UGT1A9: variants seen among roughly 807,000 people sequenced by gnomAD.
UGT1A9 encodes UDP-glucuronosyltransferase 1A9.
In UGT1A9, 35 loss-of-function variants were observed where a neutral mutation model predicts 45.0. The observed-to-expected ratio is 0.78, with a 90% CI of 0.59 to 1.03. The LOEUF is 1.03. Ranked by LOEUF, UGT1A9 falls within the 50% of genes least tolerant of loss-of-function variation. The pLI is 0.00. For synonymous variants in UGT1A9, 278 were observed against 250.6 expected (o/e 1.11, Z -1.03); for missense variants, 687 against 666.6 (o/e 1.03, Z -0.34).
chr2:233,704,256 C>T (rs1366792862), intron 1 of UGT1A9, among the ~76,000 whole-genome samples: 14 of 123,650 alleles, frequency 1.1e-4, no homozygotes, highest in South Asian at 2.6e-4. Context: ...GCCTTTATTG[C>T]TTTTTTTTTT....
In UGT1A9 at chr2:233,721,831, C is replaced by T. The variant is rs75130623; in HGVS notation, c.856-45203C>T. ...AAATCCAGCACCCTATTTGGGCCACCGACCTTGTGTCCAGCCCCACTGCTC... is the reference window on the plus strand; with the variant it reads ...AAATCCAGCACCCTATTTGGGCCACTGACCTTGTGTCCAGCCCCACTGCTC... On this transcript the variant is annotated intron_variant, in intron 1 of 4. Transcript: ENST00000354728. 6.7e-3 allele frequency: 3,461 copies of T among 513,060 alleles called. 26 individuals carry two copies. Among genetic ancestry groups the T allele is most frequent in the Non-Finnish European group, 0.011 (2,698 of 255,510 alleles). 31.8% of individuals were successfully genotyped at this position (513,060 alleles called of 1,614,324 possible).
At chr2:233,771,766 C>A (rs1025155606) in intron 4 of UGT1A9, among the ~76,000 whole-genome samples, 2 of 151,968 alleles carry the variant, frequency 1.3e-5, no homozygotes, top group Admixed American at 6.6e-5. Context: ...CTTCCTCCGT[C>A]CCTCTCTCCT....
intron 1 of UGT1A9, among the ~76,000 whole-genome samples, chr2:233,720,689 A>G (rs964540844): frequency 1.3e-5 from 2 of 151,520 alleles, no homozygotes; most frequent in Non-Finnish European, 2.9e-5. Flanking sequence ...TTCTAAATCC[A>G]TTAAGGGAGC....
Position 233,725,255 on chromosome 2 carries a change from A to AGAGGCAGAG in UGT1A9, c.856-41768_856-41760dup, listed in dbSNP as rs1488139555. 3.1e-5 allele frequency among the ~76,000 whole-genome samples: 2 copies of AGAGGCAGAG among 63,970 alleles called. 1 individual carries two copies. The highest frequency in any genetic ancestry group is 5.4e-5 in the Non-Finnish European group (2 of 36,928). The allele number at this position is 63,970 out of a possible 152,430, so 42.0% of individuals were successfully genotyped here. A position where few individuals can be genotyped will look rare whatever the true frequency, so the allele number is the denominator to read the frequency against. ...CAGAGGAGGCAGAGGCAGAGGAGGC[A>AGAGGCAGAG]GAGGCAGAGGAGGCAGAGGCAGAGG... is the stretch of plus-strand genomic sequence containing the variant. On this transcript the variant is annotated intron_variant, in intron 1 of 4. Coordinates refer to ENST00000354728, the MANE Select transcript of UGT1A9 (RefSeq NM_021027.3).
At chr2:233,749,891 C>G (rs769638729) in intron 1 of UGT1A9, among the ~76,000 whole-genome samples, 2 of 151,948 alleles carry the variant, frequency 1.3e-5, no homozygotes, top group African/African-American at 4.9e-5. Context: ...CTGAGGCTCC[C>G]CCCTCCAGCC....
chr2:233,729,260 G>T (rs774974731), intron 1 of UGT1A9: 2 of 1,614,092 alleles, frequency 1.2e-6, no homozygotes, highest in East Asian at 2.2e-5. Flanking sequence ...CTCAGCATGC[G>T]GGAGGTCTTG....
At chr2:233,746,507 C>T (rs1477077635) in intron 1 of UGT1A9, among the ~76,000 whole-genome samples, 1 of 151,718 alleles carries the variant, frequency 6.6e-6, no homozygotes, top group Non-Finnish European at 1.5e-5. Context: ...TTAGTAGCCC[C>T]CAAAGCAAGA....
chr2:233,718,848 C>A, intron 1 of UGT1A9: 1 of 1,613,708 alleles, frequency 6.2e-7, no homozygotes, highest in Non-Finnish European at 8.5e-7. Flanking sequence ...GGTTCCCCTG[C>A]CGCGGCTGGC....
chr2:233,683,153 T>C (rs955404472), intron 1 of UGT1A9, among the ~76,000 whole-genome samples: 2 of 152,170 alleles, frequency 1.3e-5, no homozygotes, highest in Non-Finnish European at 2.9e-5. Flanking sequence ...TTGTTTTCAA[T>C]TTTTTTGAAA....
At chr2:233,757,561 T>TATATATATATATATATATATATATAC (rs71058576) in intron 1 of UGT1A9, among the ~76,000 whole-genome samples, 1 of 121,178 alleles carries the variant, frequency 8.3e-6, no homozygotes, top group Non-Finnish European at 1.7e-5. Context: ...TATATATATA[T>TATATATATATATATATATATATATAC]GTATATATGA....
chr2:233,718,955 G>C (rs1197227644), intron 1 of UGT1A9: 1 of 1,614,222 alleles, frequency 6.2e-7, no homozygotes, highest in Admixed American at 1.7e-5. Flanking sequence ...TCAGCATGCG[G>C]GAGGCCTTGC....
intron 1 of UGT1A9, among the ~76,000 whole-genome samples, chr2:233,701,695 C>A (rs560963987): frequency 6.6e-6 from 1 of 152,306 alleles, no homozygotes; most frequent in East Asian, 1.9e-4. Flanking sequence ...GAAAATCACT[C>A]AAAACCGCTC....
intron 1 of UGT1A9, chr2:233,690,853 CT>C (rs2075018701): frequency 9.4e-7 from 1 of 1,064,618 alleles, no homozygotes; most frequent in Admixed American, 4.9e-5. Flanking sequence ...TTTCTAATAC[CT>C]TCTTAATTTG....
At chr2:233,732,047 A>C (rs1159846609) in intron 1 of UGT1A9, among the ~76,000 whole-genome samples, 1 of 152,222 alleles carries the variant, frequency 6.6e-6, no homozygotes, top group Admixed American at 6.5e-5. Flanking sequence ...GATGATGAGC[A>C]TTTATTCATG....
At chr2:233,733,279 T>C (rs2078376954) in intron 1 of UGT1A9, among the ~76,000 whole-genome samples, 1 of 152,208 alleles carries the variant, frequency 6.6e-6, no homozygotes, top group Non-Finnish European at 1.5e-5. Flanking sequence ...CTTCCTCTTT[T>C]CCTAATTGAA....
At chr2:233,743,204 C>T (rs187896113) in intron 1 of UGT1A9, 20 of 388,964 alleles carry the variant, frequency 5.1e-5, no homozygotes, top group East Asian at 2.2e-4. Context: ...GGTGTCAATG[C>T]GGAGTAACTG....
rs1699345789 is a variant in UGT1A9 at position 233,767,247 on chromosome 2, C to T, written c.987+82C>T. 3.2e-5 allele frequency: 52 copies of T among 1,603,298 alleles called. No individual in the cohort carries two copies. In the South Asian group the frequency reaches 5.5e-4, roughly 17 times the overall value. ...GACTTCCAGCTTCCAGATTAATTCTCTTAATTGGAACCTTAGATTTGGCTT... is the reference window on the plus strand; with the variant it reads ...GACTTCCAGCTTCCAGATTAATTCTTTTAATTGGAACCTTAGATTTGGCTT... On this transcript the variant is annotated intron_variant, in intron 2 of 4. Coordinates refer to ENST00000354728, the MANE Select transcript of UGT1A9 (RefSeq NM_021027.3).
intron 1 of UGT1A9, chr2:233,691,046 A>G: frequency 1.0e-6 from 1 of 988,608 alleles, no homozygotes; most frequent in Non-Finnish European, 1.2e-6. Context: ...CGTCCACAGC[A>G]GAGTGGAGGT....
rs1031320895 is a variant in UGT1A9, at chr2:233,747,800, G to A, written c.856-19234G>A. ...CAAATCCTTCCTCCTATATTCCTAA[G>A]TTACTAACGACCAATTCAGACCACA... On this transcript the variant is annotated intron_variant, in intron 1 of 4. Transcript: ENST00000354728. The A allele has an allele frequency of 3.1e-6, 5 of 1,613,386 alleles. No homozygotes were observed. The African/African-American group carries it at 4.0e-5, about 13-fold the overall frequency.
Sources: allele counts gnomAD v4.1 joint callset (sites outside exome capture counted in the v4.1 genomes callset), GRCh38; gene constraint gnomAD v4.1.1; transcripts MANE v1.5; gene names NCBI Gene and HGNC (gene_info 2026-07-23, HGNC 2026-07-21).